The following LHPP variants were observed in gnomAD, a reference collection of about 807,000 sequenced individuals.
LHPP encodes phospholysine phosphohistidine inorganic pyrophosphate phosphatase, also known as hLHPP.
LHPP carries 24 observed loss-of-function variants against 30.3 expected under a neutral mutation model. That is an observed-to-expected ratio of 0.79 (90% CI 0.57 to 1.11). The LOEUF (loss-of-function observed/expected upper bound fraction) is 1.11. LHPP is among the 50% of genes most tolerant of loss of function. LHPP has a pLI of 0.00. For missense variants in LHPP, 356 were observed against 367.2 expected (o/e 0.97, Z 0.25); for synonymous variants, 150 against 157.1 (o/e 0.95, Z 0.34).
At chr10:124,562,448 T>A (rs1249717363) in intron 6 of LHPP, among the ~76,000 whole-genome samples, 4 of 151,320 alleles carry the variant, frequency 2.6e-5, no homozygotes, top group Non-Finnish European at 4.4e-5. Flanking sequence ...GAGGAAAGAG[T>A]CTGTGAACTT....
chr10:124,613,277 C>A lies in LHPP; in HGVS notation c.730C>A (p.His244Asn). ...CATCCTCTCCAGGCCCAGTGACGAG[C>A]ACCATCCGGAAGTGAAGGCTGATGG... ...RTGKFRPSDE[H>N]HPEVKADGYV... is the part of the protein sequence containing the mutation. Residue 244 changes from histidine to asparagine, a missense_variant, in exon 7 of 7, where the codon CAC becomes AAC. Transcript: ENST00000368842. 6.2e-7 allele frequency: 1 copy of A among 1,613,266 alleles called. No homozygotes were observed. Among genetic ancestry groups the A allele is most frequent in the Non-Finnish European group, 8.5e-7 (1 of 1,179,778 alleles).
chr10:124,480,229 G>A (rs996878843), intron 1 of LHPP, among the ~76,000 whole-genome samples: 3 of 152,156 alleles, frequency 2.0e-5, no homozygotes, highest in African/African-American at 4.8e-5. Context: ...GGTCCGGGGC[G>A]CAGAAGGACA....
At chr10:124,498,386 T>A in intron 5 of LHPP, 1 of 1,552,060 alleles carries the variant, frequency 6.4e-7, no homozygotes, top group East Asian at 2.4e-5. Context: ...GAGTTTTTGC[T>A]GCTTCTCTGA....
At position 124,541,869 on chromosome 10, in the gene LHPP, C is replaced by G. The variant is rs142176038; in HGVS notation, c.716+24598C>G. Among the ~76,000 whole-genome samples, 209 of 152,230 alleles carry G rather than the reference C, an allele frequency of 1.4e-3. No individual in the cohort carries two copies. Among genetic ancestry groups the G allele is most frequent in the African/African-American group, 4.8e-3 (199 of 41,540 alleles). On this transcript the variant is annotated intron_variant, in intron 6 of 6. Transcript: ENST00000368842. The surrounding 1 kb of genome is among the most constrained non-coding windows in gnomAD (Gnocchi z 4.2). ...TGACCTTTCCTTCACCCCTACTTCC[C>G]CACTGCAAGGGTGCTGCCTCCCCAG...
intron 6 of LHPP, among the ~76,000 whole-genome samples, chr10:124,548,898 G>A (rs7093628): frequency 0.41 from 62,224 of 152,084 alleles, 14,175 homozygotes; most frequent in African/African-American, 0.61. Flanking sequence ...AGGTGGGATC[G>A]CAGCCTTGGT....
chr10:124,608,104 T>C (rs1378968668), intron 6 of LHPP, among the ~76,000 whole-genome samples: 1 of 152,094 alleles, frequency 6.6e-6, no homozygotes, highest in Non-Finnish European at 1.5e-5. Context: ...GCACCCTCCC[T>C]AGTGCCAGGT....
intron 6 of LHPP, among the ~76,000 whole-genome samples, chr10:124,559,247 C>T (rs1948353314): frequency 6.6e-6 from 1 of 152,242 alleles, no homozygotes; most frequent in Non-Finnish European, 1.5e-5. Flanking sequence ...TCTGGCAAAA[C>T]AGTGCTATCT....
At chr10:124,582,851 A>G (rs1162344710) in intron 6 of LHPP, among the ~76,000 whole-genome samples, 2 of 152,078 alleles carry the variant, frequency 1.3e-5, no homozygotes, top group African/African-American at 4.8e-5. Context: ...TTCAAAAAAA[A>G]AAAAGAAGAA....
intron 2 of LHPP, among the ~76,000 whole-genome samples, chr10:124,485,894 TCC>T (rs1564780723): frequency 1.9e-4 from 29 of 152,274 alleles, no homozygotes; most frequent in Admixed American, 1.8e-3. Flanking sequence ...AGCCACCGCC[TCC>T]GGTCTTACTT....
intron 6 of LHPP, among the ~76,000 whole-genome samples, chr10:124,542,928 C>G (rs1379147504): frequency 6.6e-6 from 1 of 152,310 alleles, no homozygotes; most frequent in East Asian, 1.9e-4. Flanking sequence ...TCTCCCCGGT[C>G]CCTGCCTGCC....
rs536577464 is a variant in LHPP, at chr10:124,604,818, G to A, written c.717-8446G>A. On this transcript the variant is annotated intron_variant, in intron 6 of 6. Transcript: ENST00000368842. The stretch of plus-strand genomic sequence containing the variant: ...CCTTTCCAAAGCAAATGGGGACAGG[G>A]ATACCTGCCCCTCCCTGGGTAGGCA... 5.3e-5 allele frequency among the ~76,000 whole-genome samples: 8 copies of A among 152,354 alleles called. No homozygotes were observed. In the East Asian group the frequency reaches 1.5e-3, roughly 29 times the overall value.
chr10:124,581,154 A>C (rs908864280), intron 6 of LHPP, among the ~76,000 whole-genome samples: 1 of 146,878 alleles, frequency 6.8e-6, no homozygotes, highest in Non-Finnish European at 1.5e-5. Flanking sequence ...GAATGGAGTC[A>C]TATAGTATGT....
intron 1 of LHPP, 115 bp from the exon 2 acceptor site, chr10:124,484,024 G>C: frequency 6.4e-6 from 6 of 942,280 alleles, no homozygotes; most frequent in Non-Finnish European, 9.8e-6. Context: ...GGCTCGCAGT[G>C]GCCTAGTCTG....
intron 5 of LHPP, among the ~76,000 whole-genome samples, chr10:124,516,414 C>G (rs1207438724): frequency 6.6e-6 from 1 of 152,190 alleles, no homozygotes; most frequent in African/African-American, 2.4e-5. Flanking sequence ...ACGCTGCGGG[C>G]TAGTGAATTT....
chr10:124,526,628 C>CCA (rs1407529394), intron 6 of LHPP, among the ~76,000 whole-genome samples: 2 of 152,132 alleles, frequency 1.3e-5, no homozygotes, highest in Admixed American at 6.5e-5. Flanking sequence ...TTGGCCCCCT[C>CCA]CACACACACA....
At chr10:124,544,812 G>A (rs184788691) in intron 6 of LHPP, among the ~76,000 whole-genome samples, 1 of 152,356 alleles carries the variant, frequency 6.6e-6, no homozygotes, top group Non-Finnish European at 1.5e-5. Flanking sequence ...GGGCCCAGCA[G>A]GCCTGCTCAG....
chr10:124,502,715 C>T (rs958496220), intron 5 of LHPP, among the ~76,000 whole-genome samples: 1 of 140,286 alleles, frequency 7.1e-6, no homozygotes, highest in African/African-American at 2.8e-5. Flanking sequence ...ATCCTGTCAC[C>T]CAGGCTGGAG....
chr10:124,602,384 T>C (rs1160787514), intron 6 of LHPP, among the ~76,000 whole-genome samples: 1 of 152,230 alleles, frequency 6.6e-6, no homozygotes, highest in Non-Finnish European at 1.5e-5. Flanking sequence ...GTGGTATCGC[T>C]GATGTCCTGG....
intron 5 of LHPP, among the ~76,000 whole-genome samples, chr10:124,513,701 C>A (rs755177987): frequency 6.2e-4 from 94 of 151,336 alleles, no homozygotes; most frequent in Non-Finnish European, 9.7e-4. Flanking sequence ...AGTGATCCAC[C>A]CGCCTCAGCC....
Sources: gnomAD v4.1 joint callset for allele counts (sites outside exome capture counted in the v4.1 genomes callset) on GRCh38, gnomAD v4.1.1 for gene constraint, Gnocchi (gnomAD v3.1) non-coding constraint, MANE v1.5 for transcripts, NCBI Gene and HGNC (gene_info 2026-07-23, HGNC 2026-07-21) for gene names.